The following DYTN variants were observed in gnomAD, a reference collection of about 807,000 sequenced individuals.
DYTN encodes the protein dystrotelin.
In DYTN, 75 loss-of-function variants were observed where a neutral mutation model predicts 69.6. That is an observed-to-expected ratio of 1.08 (90% CI 0.89 to 1.31). The LOEUF is 1.31. Among genes scored for constraint, DYTN ranks in the 50% most tolerant of loss-of-function variants. The probability of loss-of-function intolerance (pLI) is 0.00; values close to 1 mark genes in which losing one functional copy is unlikely to be tolerated. For missense variants in DYTN, 726 were observed against 688.4 expected, an observed-to-expected ratio of 1.05 and a Z score of -0.61; for synonymous variants, 252 against 249.1, an observed-to-expected ratio of 1.01 and a Z score of -0.11.
chr2:206,671,617 A>G (rs535008695), intron 9 of DYTN, among the ~76,000 whole-genome samples: 12 of 152,362 alleles, frequency 7.9e-5, no homozygotes, highest in Admixed American at 2.0e-4. Flanking sequence ...TGGTGGAGAT[A>G]GAGTAGGAAA....
chr2:206,654,813 T>C (rs1031956073), intron 11 of DYTN, among the ~76,000 whole-genome samples: 1 of 152,250 alleles, frequency 6.6e-6, no homozygotes, highest in Non-Finnish European at 1.5e-5. Flanking sequence ...GATTACTTGA[T>C]ACTTTTGAGT....
chr2:206,718,309 A>C lies in DYTN; in HGVS notation c.-30T>G. 6.2e-7 allele frequency: 1 copy of C among 1,600,022 alleles called. No homozygotes were observed. The highest frequency in any genetic ancestry group is 8.5e-7 in the Non-Finnish European group (1 of 1,172,960). On this transcript the variant is annotated 5_prime_UTR_variant, in exon 1 of 12. Coordinates refer to ENST00000452335, the MANE Select transcript of DYTN (RefSeq NM_001093730.1). ...CAAATTTCCTGGAATGACAGATGGC[A>C]AGTGGGTCCCTGTAACTAGAAATGA...
chr2:206,713,957 G>A (rs867337721), intron 1 of DYTN, among the ~76,000 whole-genome samples: 3 of 152,316 alleles, frequency 2.0e-5, no homozygotes, highest in South Asian at 4.1e-4. Flanking sequence ...AAACACAGCC[G>A]AGTCTCCAGC....
chr2:206,669,172 T>G (rs549722145), intron 9 of DYTN, among the ~76,000 whole-genome samples: 4 of 152,350 alleles, frequency 2.6e-5, no homozygotes, highest in African/African-American at 9.6e-5. Flanking sequence ...TTTAAAATAA[T>G]CAGTGACATA....
At chr2:206,709,460 GACACAC>G (rs141839059) in intron 2 of DYTN, among the ~76,000 whole-genome samples, 1 of 148,632 alleles carries the variant, frequency 6.7e-6, no homozygotes, top group South Asian at 2.1e-4. Context: ...CACACACACA[GACACAC>G]ACACACACAC....
At chr2:206,694,938 A>T (rs1699905314) in intron 7 of DYTN, 61 bp from the exon 8 acceptor site, 3 of 1,226,930 alleles carry the variant, frequency 2.4e-6, no homozygotes, top group Non-Finnish European at 2.2e-6. Context: ...AAAAAAAAAA[A>T]GAATATCCAG....
chr2:206,711,222 A>T (rs905625778), intron 1 of DYTN, among the ~76,000 whole-genome samples: 5 of 152,254 alleles, frequency 3.3e-5, no homozygotes, highest in African/African-American at 1.2e-4. Context: ...ATTTTCTATA[A>T]AAAGTGTAGG....
chr2:206,664,486 C>T (rs1260414150), intron 10 of DYTN, among the ~76,000 whole-genome samples: 2 of 151,796 alleles, frequency 1.3e-5, no homozygotes, highest in Non-Finnish European at 2.9e-5. Flanking sequence ...GTGAGACCCC[C>T]TCCCTACAAA....
chr2:206,702,400 T>C (rs920320896), intron 5 of DYTN, among the ~76,000 whole-genome samples: 2 of 152,236 alleles, frequency 1.3e-5, no homozygotes, highest in African/African-American at 4.8e-5. Flanking sequence ...GTTCTTCTAA[T>C]CAGGAAAGTG....
rs761325413 is a variant in DYTN at position 206,651,931 on chromosome 2, A to T, written c.1634-10T>A. On this transcript the variant is annotated splice_polypyrimidine_tract_variant and intron_variant, in intron 11 of 11. Transcript: ENST00000452335. ...ACTGAAGACTCCGGGCCTGAAATCA[A>T]CAAACAAGAGAGTCATTTAGAGAAA... 6.2e-7 allele frequency: 1 copy of T among 1,608,460 alleles called. No individual in the cohort carries two copies.
intron 11 of DYTN, among the ~76,000 whole-genome samples, chr2:206,658,052 T>G (rs1699469181): frequency 2.6e-5 from 4 of 152,086 alleles, no homozygotes; most frequent in Admixed American, 6.6e-5. Flanking sequence ...CTCTTTCTTC[T>G]TTTTTCCCTT....
chr2:206,652,988 T>C (rs1474792306), intron 11 of DYTN, among the ~76,000 whole-genome samples: 1 of 152,236 alleles, frequency 6.6e-6, no homozygotes, highest in Non-Finnish European at 1.5e-5. Context: ...AGATTTATTA[T>C]GTTAGTTGTT....
intron 1 of DYTN, among the ~76,000 whole-genome samples, chr2:206,710,994 T>C (rs779311543): frequency 6.6e-6 from 1 of 152,262 alleles, no homozygotes; most frequent in Non-Finnish European, 1.5e-5. Flanking sequence ...GCTATCCATC[T>C]ACTCATGCAT....
At chr2:206,674,472 C>T (rs533459045) in intron 9 of DYTN, among the ~76,000 whole-genome samples, 37 of 152,012 alleles carry the variant, frequency 2.4e-4, no homozygotes, top group Non-Finnish European at 1.3e-4. Flanking sequence ...CTCCAGTGCC[C>T]AGGGCTTTAC....
chr2:206,668,296 A>G (rs1699595571), intron 9 of DYTN, among the ~76,000 whole-genome samples: 1 of 152,196 alleles, frequency 6.6e-6, no homozygotes, highest in South Asian at 2.1e-4. Flanking sequence ...CAACTAGAAG[A>G]CATAAATCCC....
rs755723650 is a variant in DYTN, at chr2:206,710,629, A to C, written c.20-31T>G. The C allele has an allele frequency of 2.8e-5, 42 of 1,507,692 alleles. 1 individual carries two copies. The East Asian group carries it at 9.5e-4, about 34-fold the overall frequency. 93.4% of individuals were successfully genotyped at this position (1,507,692 alleles called of 1,614,324 possible). A position where few individuals can be genotyped will look rare whatever the true frequency, so the allele number is the denominator to read the frequency against. The stretch of plus-strand genomic sequence containing the variant: ...AAGAAAACGTAAAATATTATGAATA[A>C]AGTCTCTCTCATTATATAAATCCCA... On this transcript the variant is annotated intron_variant, in intron 1 of 11. Transcript: ENST00000452335.
rs67248530 is a variant in DYTN, at chr2:206,707,409, A to C, written c.189T>G (p.Ser63=). ...RKHSLSVQQL[S]QALQELFQKA... The stretch of plus-strand genomic sequence containing the variant: ...TCTGAAACAGCTCTTGGAGTGCCTG[A>C]GAAAGTTGCTGCACAGAAAGGGAGT... Residue 63 remains serine, a synonymous_variant, in exon 3 of 12, where the codon TCT becomes TCG. Coordinates refer to ENST00000452335, the MANE Select transcript of DYTN (RefSeq NM_001093730.1). The C allele has an allele frequency of 0.066, 106,794 of 1,613,108 alleles. 4,095 individuals carry two copies. Among genetic ancestry groups the C allele is most frequent in the Admixed American group, 0.14 (8,288 of 59,860 alleles).
chr2:206,678,333 G>T (rs1699714785), intron 9 of DYTN, among the ~76,000 whole-genome samples: 4 of 152,184 alleles, frequency 2.6e-5, no homozygotes, highest in Admixed American at 2.6e-4. Flanking sequence ...TGTGAGAAAG[G>T]TGCTACATTC....
At chr2:206,687,511 A>C (rs1699824027) in intron 9 of DYTN, 1 of 152,170 alleles carries the variant, frequency 6.6e-6, no homozygotes, top group Admixed American at 6.5e-5. Context: ...TTTTGTTTAT[A>C]CTATCATTTA....
Sources: allele counts gnomAD v4.1 joint callset (sites outside exome capture counted in the v4.1 genomes callset), GRCh38; gene constraint gnomAD v4.1.1; transcripts MANE v1.5; gene names NCBI Gene and HGNC (gene_info 2026-07-23, HGNC 2026-07-21).